Variants in SLC7A11 observed in about 807,000 individuals in gnomAD.
SLC7A11 encodes the protein solute carrier family 7 member 11, also known as cystine/glutamate transporter.
A neutral mutation model predicts 54.5 loss-of-function variants in SLC7A11; 35 were observed. That is an observed-to-expected ratio of 0.64 (90% CI 0.49 to 0.85). The LOEUF (loss-of-function observed/expected upper bound fraction) is 0.85, where lower values mean the gene tolerates loss of function less well. Among genes scored for constraint, SLC7A11 ranks in the 40% least tolerant of loss-of-function variants. The pLI is 0.00. For synonymous variants in SLC7A11, 230 were observed against 225.2 expected, an observed-to-expected ratio of 1.02 and a Z score of -0.19; for missense variants, 583 against 618.1, an observed-to-expected ratio of 0.94 and a Z score of 0.60.
chr4:138,236,535 A>G, intron 1 of SLC7A11, 84 bp from the exon 2 acceptor site: 1 of 1,321,226 alleles, frequency 7.6e-7, no homozygotes, highest in Non-Finnish European at 1.0e-6. Flanking sequence ...TAATGTTTAT[A>G]TGTTGCCTGA....
At position 138,168,354 on chromosome 4, in the gene SLC7A11, A is replaced by G. The variant is rs1304630242; in HGVS notation, c.*3602T>C. The G allele has an allele frequency of 2.7e-4, 41 of 152,190 alleles. No homozygotes were observed. The highest frequency in any genetic ancestry group is 2.7e-3 in the Admixed American group (41 of 15,278). 9.4% of individuals were successfully genotyped at this position (152,190 alleles called of 1,614,324 possible). On this transcript the variant is annotated 3_prime_UTR_variant, in exon 12 of 12. Coordinates refer to ENST00000280612, the MANE Select transcript of SLC7A11 (RefSeq NM_014331.4). The stretch of plus-strand genomic sequence containing the variant: ...AATATTGTTACCTTCAGTCCATACT[A>G]TCTTTCATTTCCTGATTCTCTGGCC...
chr4:138,192,569 C>T (rs1432923749), intron 6 of SLC7A11, among the ~76,000 whole-genome samples: 2 of 132,762 alleles, frequency 1.5e-5, no homozygotes, highest in South Asian at 5.2e-4. Flanking sequence ...GAATGAAGGA[C>T]CTCATTATAT....
At chr4:138,237,453 G>A (rs1738239887) in intron 1 of SLC7A11, among the ~76,000 whole-genome samples, 1 of 149,568 alleles carries the variant, frequency 6.7e-6, no homozygotes, top group African/African-American at 2.5e-5. Flanking sequence ...AGGCTGGAGT[G>A]CAATGGCGCT....
At chr4:138,208,893 A>G (rs1737475144) in intron 6 of SLC7A11, among the ~76,000 whole-genome samples, 5 of 152,124 alleles carry the variant, frequency 3.3e-5, no homozygotes, top group Admixed American at 3.3e-4. Context: ...ATTGTAAGAA[A>G]GATCATGGCA....
At chr4:138,180,284 C>T (rs1177745516) in intron 10 of SLC7A11, among the ~76,000 whole-genome samples, 2 of 152,124 alleles carry the variant, frequency 1.3e-5, no homozygotes, top group Non-Finnish European at 2.9e-5. Flanking sequence ...CTTACTCCTC[C>T]TCACCATGGC....
chr4:138,233,988 C>G (rs1275924317), intron 2 of SLC7A11, among the ~76,000 whole-genome samples: 2 of 152,198 alleles, frequency 1.3e-5, no homozygotes, highest in Non-Finnish European at 2.9e-5. Flanking sequence ...TGGGCCAGAT[C>G]TCTTGGAGTA....
At chr4:138,215,895 C>T (rs1403266873) in intron 5 of SLC7A11, among the ~76,000 whole-genome samples, 4 of 152,100 alleles carry the variant, frequency 2.6e-5, no homozygotes, top group Non-Finnish European at 5.9e-5. Context: ...AGTCTTTTCC[C>T]ACAATGTTAA....
chr4:138,225,990 T>G (rs532839829), intron 3 of SLC7A11, among the ~76,000 whole-genome samples: 1 of 152,256 alleles, frequency 6.6e-6, no homozygotes. Flanking sequence ...GAAAGAGGTT[T>G]TGTTACTTTC....
intron 6 of SLC7A11, among the ~76,000 whole-genome samples, chr4:138,198,814 A>C (rs1189669103): frequency 1.3e-5 from 2 of 152,210 alleles, no homozygotes; most frequent in Non-Finnish European, 2.9e-5. Context: ...CAACAAGAAA[A>C]TGAGCACAAG....
rs1192063063 is a variant in SLC7A11, at chr4:138,170,341, G to A, written c.*1615C>T. On this transcript the variant is annotated 3_prime_UTR_variant, in exon 12 of 12. Transcript: ENST00000280612. ...ATATAATCTTTTTTTTTTGGAGATG[G>A]AGTCTGACTTTGTCACCCAGGCTGG... 6.9e-6 allele frequency: 1 copy of A among 144,616 alleles called. No homozygotes were observed. The highest frequency in any genetic ancestry group is 1.5e-5 in the Non-Finnish European group (1 of 66,476). 9.0% of individuals were successfully genotyped at this position (144,616 alleles called of 1,614,324 possible).
At chr4:138,207,339 A>G (rs1737433795) in intron 6 of SLC7A11, among the ~76,000 whole-genome samples, 1 of 152,082 alleles carries the variant, frequency 6.6e-6, no homozygotes, top group Non-Finnish European at 1.5e-5. Context: ...ACAATATTAT[A>G]TGTTATTTTC....
intron 11 of SLC7A11, among the ~76,000 whole-genome samples, chr4:138,175,087 ATG>A (rs1365402009): frequency 6.6e-6 from 1 of 152,176 alleles, no homozygotes; most frequent in African/African-American, 2.4e-5. Flanking sequence ...CCCCTAAGAA[ATG>A]TAGGCAAGCT....
At position 138,181,191 on chromosome 4, in the gene SLC7A11, T is replaced by C. The variant is rs1377957273; in HGVS notation, c.1117-401A>G. Among the ~76,000 whole-genome samples the C allele has an allele frequency of 3.3e-5, 5 of 152,208 alleles. No homozygotes were observed. In the East Asian group the frequency reaches 9.7e-4, roughly 29 times the overall value. Reference sequence around the variant, plus strand: ...ATAATGAACAGTAAAAGAGGCCCAATTGGAAGATTTACAGAAAGCTCTGCA... The same window carrying C: ...ATAATGAACAGTAAAAGAGGCCCAACTGGAAGATTTACAGAAAGCTCTGCA... On this transcript the variant is annotated intron_variant, in intron 9 of 11. Transcript: ENST00000280612.
chr4:138,216,207 G>A (rs1737677301), intron 5 of SLC7A11, among the ~76,000 whole-genome samples: 1 of 152,184 alleles, frequency 6.6e-6, no homozygotes, highest in African/African-American at 2.4e-5. Flanking sequence ...TGCTAGCAAT[G>A]CATTCCAATA....
intron 10 of SLC7A11, among the ~76,000 whole-genome samples, chr4:138,180,052 T>C (rs1199696496): frequency 3.3e-5 from 5 of 152,144 alleles, no homozygotes; most frequent in African/African-American, 1.2e-4. Flanking sequence ...GACAAGCTTT[T>C]TCTCCAGTCC....
At chr4:138,213,545 A>G (rs57286381) in intron 6 of SLC7A11, among the ~76,000 whole-genome samples, 2 of 144,226 alleles carry the variant, frequency 1.4e-5, no homozygotes, top group African/African-American at 5.5e-5. Context: ...CTCTCTCTCT[A>G]TCTCTCTCTC....
rs79744536 is a variant in SLC7A11, at chr4:138,180,214, A to G, written c.1266+427T>C. Among the ~76,000 whole-genome samples, 64 of 152,278 alleles carry G rather than the reference A, an allele frequency of 4.2e-4. No homozygotes were observed. The East Asian group carries it at 0.012, about 28-fold the overall frequency. On this transcript the variant is annotated intron_variant, in intron 10 of 11. Coordinates refer to ENST00000280612, the MANE Select transcript of SLC7A11 (RefSeq NM_014331.4). ...AACAAGTCACAACATTTAAGTACTT[A>G]AAATGCCTATTTTGTAAAGGCAAAT...
rs545179147 is a variant in SLC7A11 at position 138,182,699 on chromosome 4, TA to T, written c.1020-307del. Among the ~76,000 whole-genome samples, 66 of 152,262 alleles carry T rather than the reference TA, an allele frequency of 4.3e-4. No homozygotes were observed. In the South Asian group the frequency reaches 0.012, roughly 28 times the overall value. Reference sequence around the variant, plus strand: ...ATCTAGTTCTAGATTCCTAGTATTATATGTGTGTTGTCAATCCAATTCAACA... The same window carrying T: ...ATCTAGTTCTAGATTCCTAGTATTATTGTGTGTTGTCAATCCAATTCAACA... On this transcript the variant is annotated intron_variant, in intron 8 of 11. Coordinates refer to ENST00000280612, the MANE Select transcript of SLC7A11 (RefSeq NM_014331.4).
intron 6 of SLC7A11, among the ~76,000 whole-genome samples, chr4:138,207,694 T>C (rs2148433200): frequency 6.6e-6 from 1 of 152,210 alleles, no homozygotes; most frequent in African/African-American, 2.4e-5. Context: ...GCACAGTAAG[T>C]GAGACTCCGT....
Sources: allele counts gnomAD v4.1 joint callset (sites outside exome capture counted in the v4.1 genomes callset), GRCh38; gene constraint gnomAD v4.1.1; transcripts MANE v1.5; gene names NCBI Gene and HGNC (gene_info 2026-07-23, HGNC 2026-07-21).